Variants in ZSWIM5 observed in about 807,000 individuals in gnomAD.
ZSWIM5 encodes zinc finger SWIM domain-containing protein 5.
A neutral mutation model predicts 119.6 loss-of-function variants in ZSWIM5; 55 were observed. The observed-to-expected ratio is 0.46, with a 90% CI of 0.37 to 0.58. ZSWIM5 has a LOEUF of 0.58. Among genes scored for constraint, ZSWIM5 ranks in the 20% least tolerant of loss-of-function variants. The pLI, the probability that ZSWIM5 is intolerant of heterozygous loss-of-function variation, is 0.00. For synonymous variants in ZSWIM5, 537 were observed against 606.9 expected, an observed-to-expected ratio of 0.88 and a Z score of 1.69; for missense variants, 1,193 against 1,512.8, an observed-to-expected ratio of 0.79 and a Z score of 3.51.
intron 1 of ZSWIM5, among the ~76,000 whole-genome samples, chr1:45,091,604 A>G (rs960972590): frequency 5.3e-5 from 8 of 152,094 alleles, no homozygotes; most frequent in Admixed American, 1.3e-4. Flanking sequence ...TGAGGCTGCA[A>G]TAAGCCATGA....
In ZSWIM5 at chr1:45,039,024, C is replaced by T; in HGVS notation, c.1806G>A (p.Val602=). Residue 602 remains valine (V), a synonymous_variant, in exon 8 of 14, where the codon GTG becomes GTA. Coordinates refer to ENST00000359600, the MANE Select transcript of ZSWIM5 (RefSeq NM_020883.2). ...TTTITNLEGW[V]GHPLDPIDCL... The stretch of plus-strand genomic sequence containing the variant: ...AGTCGATGGGATCCAGGGGGTGGCC[C>T]ACCCAGCCCTCCAGGTTTGTGATGG... The T allele has an allele frequency of 6.2e-7, 1 of 1,614,156 alleles. No homozygotes were observed. Among genetic ancestry groups the T allele is most frequent in the Non-Finnish European group, 8.5e-7 (1 of 1,180,018 alleles).
chr1:45,105,125 T>C (rs1275450045), intron 1 of ZSWIM5, among the ~76,000 whole-genome samples: 1 of 152,118 alleles, frequency 6.6e-6, no homozygotes, highest in Non-Finnish European at 1.5e-5. Flanking sequence ...CTGGTTTTTG[T>C]ATTTTTGGTG....
chr1:45,079,130 T>A (rs1182771466), intron 2 of ZSWIM5, among the ~76,000 whole-genome samples: 1 of 150,986 alleles, frequency 6.6e-6, no homozygotes, highest in Non-Finnish European at 1.5e-5. Flanking sequence ...GCTCAAAAGC[T>A]CCCCCATTGA....
rs1279496772 is a variant in ZSWIM5, at chr1:45,072,654, C to G, written c.953-12407G>C. Among the ~76,000 whole-genome samples the G allele has an allele frequency of 6.6e-6, 1 of 151,956 alleles. No individual in the cohort carries two copies. The highest frequency in any genetic ancestry group is 1.5e-5 in the Non-Finnish European group (1 of 68,024). On this transcript the variant is annotated intron_variant, in intron 2 of 13. Coordinates refer to ENST00000359600, the MANE Select transcript of ZSWIM5 (RefSeq NM_020883.2). This position sits in a 1 kb window ranked among gnomAD's most constrained non-coding sequence, Gnocchi z 4.1. ...TCTTCTGCATATGGATATCCAGTTT[C>G]CTAGCATCCATTTATTGAAAAAACT...
chr1:45,121,300 G>C (rs1048909058), intron 1 of ZSWIM5, among the ~76,000 whole-genome samples: 1 of 146,104 alleles, frequency 6.8e-6, no homozygotes, highest in Non-Finnish European at 1.5e-5. Flanking sequence ...TCATACAGTA[G>C]TCAGTTTTCC....
chr1:45,194,606 G>A lies in ZSWIM5; in HGVS notation c.595+11150C>T, dbSNP rs542309105. Reference sequence around the variant, plus strand: ...ATTAAAGCTTAATCTGGCCAGGCGCGGTGGCTCACACCTGTAATCCCAGCA... The same window carrying A: ...ATTAAAGCTTAATCTGGCCAGGCGCAGTGGCTCACACCTGTAATCCCAGCA... On this transcript the variant is annotated intron_variant, in intron 1 of 13. Coordinates refer to ENST00000359600, the MANE Select transcript of ZSWIM5 (RefSeq NM_020883.2). Among the ~76,000 whole-genome samples the A allele has an allele frequency of 4.6e-5, 7 of 152,192 alleles. No individual in the cohort carries two copies. The East Asian group carries it at 7.7e-4, about 17-fold the overall frequency.
chr1:45,180,003 G>C (rs529627603), intron 1 of ZSWIM5, among the ~76,000 whole-genome samples: 16 of 152,178 alleles, frequency 1.1e-4, no homozygotes, highest in Admixed American at 8.5e-4. Flanking sequence ...CAGTGTGAGC[G>C]ACACAGAAGA....
intron 1 of ZSWIM5, among the ~76,000 whole-genome samples, chr1:45,104,467 T>C (rs1223017807): frequency 1.3e-5 from 2 of 152,196 alleles, no homozygotes; most frequent in Non-Finnish European, 2.9e-5. Flanking sequence ...ATCAGACTCA[T>C]GTGAAAGTAA....
Position 45,051,103 on chromosome 1 carries a change from G to A in ZSWIM5, c.1403C>T (p.Ala468Val). ...GCTGTGAATGGCACTCTGGGGAAGT[G>A]CATTGGTGATGTTGGGCAGCTCATG... ...YGHELPNITN[A>V]LPQSAIHSPD... The change falls in exon 5 of 14, where the codon GCA (alanine) becomes GTA (valine). Residue 468 changes from alanine to valine, a missense_variant. Physicochemically the swap from Ala to Val is moderately conservative, Grantham distance 64 (BLOSUM62 0). Around this residue, in one of 2 missense-constraint regions of ZSWIM5, gnomAD observed 961 missense variants for 1,290.0 expected, o/e 0.74. Coordinates refer to ENST00000359600, the MANE Select transcript of ZSWIM5 (RefSeq NM_020883.2). The A allele has an allele frequency of 1.2e-6, 2 of 1,614,096 alleles. No individual in the cohort carries two copies. The highest frequency in any genetic ancestry group is 1.7e-6 in the Non-Finnish European group (2 of 1,180,004).
intron 10 of ZSWIM5, 128 bp downstream of exon 10, chr1:45,035,560 G>T: frequency 8.3e-7 from 1 of 1,209,904 alleles, no homozygotes; most frequent in East Asian, 2.4e-5. Context: ...CCATTTTAAG[G>T]TACACTTGGT....
intron 1 of ZSWIM5, among the ~76,000 whole-genome samples, chr1:45,159,135 T>G (rs1224131177): frequency 1.3e-5 from 2 of 152,146 alleles, no homozygotes; most frequent in Non-Finnish European, 2.9e-5. Flanking sequence ...AGACAATAAC[T>G]TCAGCATGTT....
rs1334605527 is a variant in ZSWIM5 at position 45,036,315 on chromosome 1, C to G, written c.1895-16G>C. 1 of 1,602,366 alleles carries G rather than the reference C, an allele frequency of 6.2e-7. No homozygotes were observed. On this transcript the variant is annotated splice_polypyrimidine_tract_variant and intron_variant, in intron 8 of 13. Transcript: ENST00000359600. ...TCATTCATATCTGAGGGCAACAGGGCACCAAATTCTTTAGGTTAGGCTTGG... is the reference window on the plus strand; with the variant it reads ...TCATTCATATCTGAGGGCAACAGGGGACCAAATTCTTTAGGTTAGGCTTGG...
chr1:45,060,359 T>C (rs1470906730), intron 2 of ZSWIM5, 112 bp from the exon 3 acceptor site: 7 of 1,140,716 alleles, frequency 6.1e-6, no homozygotes, highest in African/African-American at 1.6e-5. Context: ...TCTGCTTTAA[T>C]ATGGGTTTTG....
chr1:45,134,584 C>T (rs1645678071), intron 1 of ZSWIM5, among the ~76,000 whole-genome samples: 1 of 152,208 alleles, frequency 6.6e-6, no homozygotes, highest in South Asian at 2.1e-4. Flanking sequence ...AGAAAATTTC[C>T]ATCCAGACTG....
At chr1:45,127,737 T>C (rs182450653) in intron 1 of ZSWIM5, among the ~76,000 whole-genome samples, 26 of 152,296 alleles carry the variant, frequency 1.7e-4, no homozygotes, top group Admixed American at 1.6e-3. Flanking sequence ...TCACCACTCT[T>C]ACTGTACAAA....
At chr1:45,179,479 A>G (rs1646001976) in intron 1 of ZSWIM5, among the ~76,000 whole-genome samples, 1 of 152,074 alleles carries the variant, frequency 6.6e-6, no homozygotes, top group Non-Finnish European at 1.5e-5. Context: ...GAAAAAAAAT[A>G]CCTATTGGGT....
intron 1 of ZSWIM5, among the ~76,000 whole-genome samples, chr1:45,168,446 G>A (rs1365035999): frequency 1.3e-5 from 2 of 151,640 alleles, no homozygotes; most frequent in Non-Finnish European, 2.9e-5. Flanking sequence ...AAACTTGCAT[G>A]TTGTGCACAT....
chr1:45,109,637 C>T (rs1200460510), intron 1 of ZSWIM5, among the ~76,000 whole-genome samples: 3 of 151,244 alleles, frequency 2.0e-5, no homozygotes, highest in Non-Finnish European at 4.4e-5. Flanking sequence ...CCCAGCTACT[C>T]GGGAGGCTGA....
chr1:45,064,102 A>G (rs1161355534), intron 2 of ZSWIM5, among the ~76,000 whole-genome samples: 1 of 152,182 alleles, frequency 6.6e-6, no homozygotes, highest in African/African-American at 2.4e-5. Context: ...TGAATTAGCC[A>G]TATACTCCAT....
Sources: gnomAD v4.1 joint callset for allele counts (sites outside exome capture counted in the v4.1 genomes callset) on GRCh38, gnomAD v4.1.1 for gene constraint, gnomAD v4.1.1 regional missense constraint, Gnocchi (gnomAD v3.1) non-coding constraint, MANE v1.5 for transcripts, NCBI Gene and HGNC (gene_info 2026-07-23, HGNC 2026-07-21) for gene names.